The following LY6S variants were observed in gnomAD, a reference collection of about 807,000 sequenced individuals.
LY6S encodes lymphocyte antigen 6 family member S.
chr8:143,042,346 G>T, the LY6S span: 2 of 152,576 alleles, frequency 1.3e-5, 1 homozygote. Context: ...ATGGCTGGTG[G>T]CCGCAGGAGC....
At chr8:143,066,277 TC>T in the LY6S span, 1 of 219,276 alleles carries the variant, frequency 4.6e-6, no homozygotes, top group Non-Finnish European at 9.1e-6. Flanking sequence ...CAAGCGATTC[TC>T]ATGCCTCCTG....
the LY6S span, among the ~76,000 whole-genome samples, chr8:143,065,514 C>T: frequency 5.3e-5 from 8 of 152,108 alleles, no homozygotes; most frequent in African/African-American, 1.9e-4. Context: ...GCCATCATTT[C>T]TCAGACCCTC....
chr8:143,067,089 A>G, the LY6S span, among the ~76,000 whole-genome samples: 9 of 152,152 alleles, frequency 5.9e-5, no homozygotes, highest in African/African-American at 1.9e-4. Context: ...CTCTGAGTTC[A>G]TGTGAGATGT....
the LY6S span, among the ~76,000 whole-genome samples, chr8:143,055,058 G>A: frequency 6.6e-6 from 1 of 152,226 alleles, no homozygotes; most frequent in East Asian, 1.9e-4. Flanking sequence ...TAAAAACATT[G>A]TTACCCAGGC....
the LY6S span, among the ~76,000 whole-genome samples, chr8:143,061,411 A>G: frequency 6.6e-6 from 1 of 152,370 alleles, no homozygotes; most frequent in East Asian, 1.9e-4. Context: ...ACATTTGTAC[A>G]TATCTAATAA....
At chr8:143,069,440 C>G in the LY6S span, among the ~76,000 whole-genome samples, 1 of 152,206 alleles carries the variant, frequency 6.6e-6, no homozygotes, top group East Asian at 1.9e-4. Context: ...TAATTATGTG[C>G]CTTCTTAGAA....
chr8:143,041,191 C>T, the LY6S span, among the ~76,000 whole-genome samples: 1 of 152,160 alleles, frequency 6.6e-6, no homozygotes, highest in Admixed American at 6.5e-5. Context: ...CCTAATAAGC[C>T]TGGGAGCACT....
At chr8:143,066,588 CT>C in the LY6S span, 1 of 290,090 alleles carries the variant, frequency 3.4e-6, no homozygotes, top group Non-Finnish European at 7.0e-6. Flanking sequence ...TCTTTGTCAT[CT>C]TGGAGGCATA....
the LY6S span, chr8:143,043,379 C>A: frequency 1.6e-6 from 1 of 613,854 alleles, no homozygotes; most frequent in Non-Finnish European, 2.5e-6. Context: ...GGCCCTGCCC[C>A]GGGGCCTCAG....
At chr8:143,060,132 C>A in the LY6S span, among the ~76,000 whole-genome samples, 1 of 152,212 alleles carries the variant, frequency 6.6e-6, no homozygotes, top group Non-Finnish European at 1.5e-5. Flanking sequence ...AGAGTGCGAG[C>A]CTTCTGTCAT....
the LY6S span, among the ~76,000 whole-genome samples, chr8:143,062,183 G>T: frequency 6.6e-6 from 1 of 152,244 alleles, no homozygotes; most frequent in Non-Finnish European, 1.5e-5. Context: ...AAAATAATTT[G>T]CAAACAAAAT....
the LY6S span, among the ~76,000 whole-genome samples, chr8:143,050,176 CTTTTTT>C: frequency 0.052 from 5,981 of 114,854 alleles, 380 homozygotes; most frequent in East Asian, 0.17. Flanking sequence ...CAAAACCTGA[CTTTTTT>C]TTTTTTTTTT....
At chr8:143,071,928 A>G in the LY6S span, among the ~76,000 whole-genome samples, 1 of 152,148 alleles carries the variant, frequency 6.6e-6, no homozygotes, top group Non-Finnish European at 1.5e-5. Context: ...GTTACAACAG[A>G]AAATCCAGCA....
At chr8:143,051,071 G>T in the LY6S span, among the ~76,000 whole-genome samples, 6 of 152,316 alleles carry the variant, frequency 3.9e-5, no homozygotes, top group African/African-American at 1.4e-4. Flanking sequence ...GCTTTTAGAG[G>T]CTGTGCAGGA....
the LY6S span, among the ~76,000 whole-genome samples, chr8:143,051,957 G>A: frequency 2.1e-5 from 3 of 145,338 alleles, no homozygotes; most frequent in African/African-American, 7.6e-5. Context: ...GGGTGACAGA[G>A]TGAGACTCTG....
chr8:143,070,449 T>TATATATATATAATATATATATA, the LY6S span, among the ~76,000 whole-genome samples: 2 of 25,032 alleles, frequency 8.0e-5, no homozygotes, highest in East Asian at 1.3e-3. Flanking sequence ...ATATATTGTA[T>TATATATATATAATATATATATA]ATATATATAT....
At chr8:143,059,965 A>G in the LY6S span, 1 of 152,236 alleles carries the variant, frequency 6.6e-6, no homozygotes, top group Admixed American at 6.5e-5. Context: ...AATAAATTAT[A>G]GATATGATTA....
At chr8:143,070,446 G>GTGTA in the LY6S span, among the ~76,000 whole-genome samples, 2 of 69,516 alleles carry the variant, frequency 2.9e-5, no homozygotes, top group South Asian at 4.7e-4. Context: ...TATATATATT[G>GTGTA]TATATATATA....
chr8:143,075,285 A>T, the LY6S span, among the ~76,000 whole-genome samples: 1 of 152,058 alleles, frequency 6.6e-6, no homozygotes, highest in Non-Finnish European at 1.5e-5. The surrounding 1 kb of genome is among the most constrained non-coding windows in gnomAD (Gnocchi z 4.1). Flanking sequence ...TGGAGGTTGG[A>T]CCCTGAGCTT....
Sources: allele counts gnomAD v4.1 joint callset (sites outside exome capture counted in the v4.1 genomes callset), GRCh38; gene constraint gnomAD v4.1.1; non-coding constraint Gnocchi (gnomAD v3.1); transcripts MANE v1.5; gene names NCBI Gene and HGNC (gene_info 2026-07-23, HGNC 2026-07-21).